Variants in LETMD1 observed in about 807,000 individuals in gnomAD.
LETMD1 encodes the protein LETM1 domain-containing protein 1.
Under a neutral mutation model 43.9 loss-of-function variants are expected in LETMD1, and 30 were observed. That is an observed-to-expected ratio of 0.68 (90% CI 0.51 to 0.93). The LOEUF (loss-of-function observed/expected upper bound fraction) is 0.93. Among genes scored for constraint, LETMD1 ranks in the 40% least tolerant of loss-of-function variants. The probability of loss-of-function intolerance (pLI) is 0.00; values close to 1 mark genes in which losing one functional copy is unlikely to be tolerated. For missense variants in LETMD1, 413 were observed against 447.7 expected (o/e 0.92, Z 0.70); for synonymous variants, 176 against 163.1 (o/e 1.08, Z -0.60).
At chr12:51,065,795 G>T in the LETMD1 span, among the ~76,000 whole-genome samples, 7 of 152,158 alleles carry the variant, frequency 4.6e-5, no homozygotes, top group African/African-American at 1.4e-4. Flanking sequence ...TCAGGTGTGT[G>T]TGTAACAGAA....
chr12:51,052,059 C>T (rs375076304), intron 2 of LETMD1, 33 bp from the exon 3 acceptor site: 146 of 1,594,222 alleles, frequency 9.2e-5, no homozygotes, highest in Non-Finnish European at 1.2e-4. Flanking sequence ...ACTGGGATAA[C>T]ATCACACTCT....
intron 8 of LETMD1, 112 bp downstream of exon 8, chr12:51,058,240 A>C (rs1948294457): frequency 1.4e-6 from 1 of 708,918 alleles, no homozygotes; most frequent in Non-Finnish European, 2.5e-6. Flanking sequence ...ATATACATAC[A>C]TCTAATTGAA....
intron 8 of LETMD1, 177 bp downstream of exon 8, chr12:51,058,305 A>G (rs1274770466): frequency 3.3e-6 from 2 of 614,000 alleles, no homozygotes; most frequent in Non-Finnish European, 5.8e-6. Flanking sequence ...AGTAGGCCAT[A>G]AGACAAGAGG....
Position 51,060,401 on chromosome 12 carries a change from C to G in LETMD1, c.*970C>G, listed in dbSNP as rs1948763526. ...TGTTTTTAAACCCAAGTAAAGACTG[C>G]TTGAAACCTGTTGATGGAAATGACT... On this transcript the variant is annotated 3_prime_UTR_variant, in exon 9 of 9. Coordinates refer to ENST00000262055, the MANE Select transcript of LETMD1 (RefSeq NM_015416.5). 1 of 152,234 alleles carries G rather than the reference C, an allele frequency of 6.6e-6. No homozygotes were observed. Among genetic ancestry groups the G allele is most frequent in the African/African-American group, 2.4e-5 (1 of 41,454 alleles). The allele number at this position is 152,234 out of a possible 1,614,324, so 9.4% of individuals were successfully genotyped here.
In LETMD1 at chr12:51,058,050, C is replaced by T. The variant is rs1426705243; in HGVS notation, c.934C>T (p.Leu312=). Residue 312 remains leucine, a synonymous_variant, in exon 8 of 9, where the codon CTG becomes TTG. Transcript: ENST00000262055. ...EVKSACYLRG[L]NSTHIGEDRC... ...GGTATAGGCTTGTTATCTCCGTGGC[C>T]TGAATTCTACGCATATTGGTGAAGA... 1.2e-6 allele frequency: 2 copies of T among 1,612,784 alleles called. No homozygotes were observed. Among genetic ancestry groups the T allele is most frequent in the Non-Finnish European group, 8.5e-7 (1 of 1,178,810 alleles).
Position 51,059,415 on chromosome 12 carries a change from T to G in LETMD1, c.1067T>G (p.Leu356Arg). The change falls in exon 9 of 9, where the codon CTT (leucine) becomes CGT (arginine). Residue 356 changes from leucine to arginine, a missense_variant. By Grantham distance (102) the Leu-to-Arg change is moderately radical. Coordinates refer to ENST00000262055, the MANE Select transcript of LETMD1 (RefSeq NM_015416.5). Reference protein sequence around the residue: ...HNVVLLSTNYLGTRR With the variant: ...HNVVLLSTNYRGTRR ...GTGGTCCTGCTCTCCACCAACTACC[T>G]TGGGACAAGGCGCTGAATGAACCAT... The G allele has an allele frequency of 8.1e-6, 13 of 1,614,170 alleles. No homozygotes were observed. Among genetic ancestry groups the G allele is most frequent in the Non-Finnish European group, 1.1e-5 (13 of 1,179,982 alleles).
chr12:51,059,474 A>G lies in LETMD1; in HGVS notation c.*43A>G, dbSNP rs369590397. The stretch of plus-strand genomic sequence containing the variant: ...TGGCATTGTCCTGCAGTCGTATAGT[A>G]TAGCAGTGCAGGAACAAACAGCACT... On this transcript the variant is annotated 3_prime_UTR_variant, in exon 9 of 9. Transcript: ENST00000262055. 26 of 1,558,396 alleles carry G rather than the reference A, an allele frequency of 1.7e-5. No individual in the cohort carries two copies. The African/African-American group carries it at 2.0e-4, about 12-fold the overall frequency.
At chr12:51,054,057 G>A (rs1946927490) in intron 4 of LETMD1, among the ~76,000 whole-genome samples, 197 bp downstream of exon 4, 1 of 152,092 alleles carries the variant, frequency 6.6e-6, no homozygotes, top group Admixed American at 6.6e-5. Context: ...AGCTATAAGT[G>A]TAGGTGGCCT....
At position 51,052,214 on chromosome 12, in the gene LETMD1, G is replaced by A. The variant is rs1170186261; in HGVS notation, c.390+7G>A. 6.2e-7 allele frequency: 1 copy of A among 1,613,550 alleles called. No homozygotes were observed. Among genetic ancestry groups the A allele is most frequent in the Non-Finnish European group, 8.5e-7 (1 of 1,179,722 alleles). Reference sequence around the variant, plus strand: ...GATGGAGCATTTGAGACAGGTATGGGCCAGGGGCAGATATCCAGAAGTTCA... The same window carrying A: ...GATGGAGCATTTGAGACAGGTATGGACCAGGGGCAGATATCCAGAAGTTCA... On this transcript the variant is annotated splice_region_variant and intron_variant, in intron 3 of 8. Coordinates refer to ENST00000262055, the MANE Select transcript of LETMD1 (RefSeq NM_015416.5).
chr12:51,067,060 G>A, the LETMD1 span, among the ~76,000 whole-genome samples: 37 of 152,128 alleles, frequency 2.4e-4, no homozygotes, highest in Middle Eastern at 3.4e-3. This position sits in a 1 kb window ranked among gnomAD's most constrained non-coding sequence, Gnocchi z 4.1. Flanking sequence ...GAACTCCTGG[G>A]AAGCAATCTG....
intron 5 of LETMD1, 43 bp downstream of exon 5, chr12:51,056,064 T>C: frequency 3.1e-6 from 5 of 1,606,152 alleles, no homozygotes; most frequent in Non-Finnish European, 4.3e-6. Flanking sequence ...GGAATCTTGT[T>C]AGATTCAGTG....
At position 51,056,361 on chromosome 12, in the gene LETMD1, C is replaced by T. The variant is rs1361798868; in HGVS notation, c.774C>T (p.Ser258=). ...QLQALHVKAL[S]RAMLLTSYLP... Reference sequence around the variant, plus strand: ...TGGTTGTGTTACAGAAAGCCTTGAGCCGGGCCATGCTTCTCACATCTTACC... The same window carrying T: ...TGGTTGTGTTACAGAAAGCCTTGAGTCGGGCCATGCTTCTCACATCTTACC... Residue 258 remains serine, a synonymous_variant, in exon 7 of 9, where the codon AGC becomes AGT. Coordinates refer to ENST00000262055, the MANE Select transcript of LETMD1 (RefSeq NM_015416.5). The T allele has an allele frequency of 3.1e-6, 5 of 1,614,200 alleles. No individual in the cohort carries two copies. In the Admixed American group the frequency reaches 6.7e-5, roughly 22 times the overall value.
At chr12:51,066,794 G>C in the LETMD1 span, among the ~76,000 whole-genome samples, 1 of 152,160 alleles carries the variant, frequency 6.6e-6, no homozygotes, top group African/African-American at 2.4e-5. Context: ...TGAACAATAA[G>C]TGTTTGCAGA....
At chr12:51,057,627 CTTT>C (rs36057122) in intron 7 of LETMD1, 227 of 162,490 alleles carry the variant, frequency 1.4e-3, no homozygotes, top group Middle Eastern at 2.9e-3. Context: ...GAGATTGTAA[CTTT>C]TTTTTTTTTT....
intron 4 of LETMD1, 51 bp from the exon 5 acceptor site, chr12:51,055,784 C>G: frequency 3.6e-6 from 5 of 1,378,222 alleles, no homozygotes; most frequent in Non-Finnish European, 5.0e-6. Context: ...TTGGCTTCCT[C>G]TGAAAGAAGC....
chr12:51,050,507 C>T (rs563421166), intron 2 of LETMD1, among the ~76,000 whole-genome samples: 9 of 151,874 alleles, frequency 5.9e-5, no homozygotes, highest in African/African-American at 2.2e-4. Flanking sequence ...AGGCTTGAGC[C>T]ACCGCGCCCG....
At chr12:51,062,381 C>T (rs944919097), downstream of LETMD1, 1 of 152,190 alleles carries the variant, frequency 6.6e-6, no homozygotes, top group Non-Finnish European at 1.5e-5. Flanking sequence ...CATTTTAGAA[C>T]AGAGACAAAG....
chr12:51,064,652 A>G (rs1310443921), downstream of LETMD1: 2 of 1,527,954 alleles, frequency 1.3e-6, no homozygotes, highest in African/African-American at 1.4e-5. Flanking sequence ...AGCCACATGG[A>G]AAGGACATGC....
intron 1 of LETMD1, 69 bp downstream of exon 1, chr12:51,048,547 A>G: frequency 6.3e-7 from 1 of 1,577,064 alleles, no homozygotes; most frequent in Non-Finnish European, 8.6e-7. Context: ...CCTTGCTTGC[A>G]TTCTGTCTCT....
Sources: gnomAD v4.1 joint callset for allele counts (sites outside exome capture counted in the v4.1 genomes callset) on GRCh38, gnomAD v4.1.1 for gene constraint, Gnocchi (gnomAD v3.1) non-coding constraint, MANE v1.5 for transcripts, NCBI Gene and HGNC (gene_info 2026-07-23, HGNC 2026-07-21) for gene names.